RBM25: variants seen among roughly 807,000 people sequenced by gnomAD.
RBM25 encodes the protein RNA binding motif protein 25.
A neutral mutation model predicts 120.7 loss-of-function variants in RBM25; 19 were observed. The ratio of observed to expected loss-of-function variants is 0.16; its 90% CI spans 0.11 to 0.23. The LOEUF (loss-of-function observed/expected upper bound fraction) is 0.23. Among genes scored for constraint, RBM25 ranks in the 10% least tolerant of loss-of-function variants. The pLI is 1.00. For missense variants in RBM25, 605 were observed against 1,041.5 expected (o/e 0.58, Z 5.77); for synonymous variants, 390 against 326.7 (o/e 1.19, Z -2.09).
intron 1 of RBM25, among the ~76,000 whole-genome samples, chr14:73,060,100 C>T (rs959771973): frequency 6.6e-6 from 1 of 151,746 alleles, no homozygotes; most frequent in Non-Finnish European, 1.5e-5. Context: ...AGTGCGGTGG[C>T]GCGATCTTGG....
At chr14:73,081,191 G>A (rs1566587262) in intron 4 of RBM25, among the ~76,000 whole-genome samples, 1 of 150,914 alleles carries the variant, frequency 6.6e-6, no homozygotes. Context: ...CCAGGCTGGA[G>A]TGCAGTGGCA....
intron 13 of RBM25, 46 bp from the exon 14 acceptor site, chr14:73,109,296 A>G: frequency 6.3e-7 from 1 of 1,577,094 alleles, no homozygotes; most frequent in Non-Finnish European, 8.6e-7. Flanking sequence ...TTTACTTCTC[A>G]ATGATCGGAG....
At chr14:73,064,201 TTTTG>T (rs1453870072) in intron 1 of RBM25, among the ~76,000 whole-genome samples, 1 of 151,572 alleles carries the variant, frequency 6.6e-6, no homozygotes, top group African/African-American at 2.4e-5. Flanking sequence ...TTATAATTTA[TTTTG>T]TTTATCATCT....
intron 1 of RBM25, among the ~76,000 whole-genome samples, chr14:73,063,357 G>T (rs1895050272): frequency 6.6e-6 from 1 of 150,992 alleles, no homozygotes; most frequent in African/African-American, 2.4e-5. Context: ...CACTGTGTTA[G>T]CCAGGATGGT....
At chr14:73,077,569 T>C (rs1304862501) in intron 4 of RBM25, 33 bp downstream of exon 4, 4 of 1,504,728 alleles carry the variant, frequency 2.7e-6, no homozygotes, top group Non-Finnish European at 3.6e-6. Flanking sequence ...CATTAAAAAT[T>C]TTTTTATCAT....
At chr14:73,059,269 T>C (rs1240078467) in intron 1 of RBM25, 1 of 152,190 alleles carries the variant, frequency 6.6e-6, no homozygotes, top group East Asian at 1.9e-4. Flanking sequence ...ATTGAGCTAA[T>C]ACCTACCTTT....
chr14:73,067,699 G>T (rs1385247086), intron 1 of RBM25, among the ~76,000 whole-genome samples: 1 of 151,194 alleles, frequency 6.6e-6, no homozygotes, highest in Non-Finnish European at 1.5e-5. Context: ...CGCCTCCCAG[G>T]TTCACGCCAT....
chr14:73,073,297 G>A (rs190995518), intron 2 of RBM25, among the ~76,000 whole-genome samples: 470 of 152,150 alleles, frequency 3.1e-3, no homozygotes, highest in Non-Finnish European at 5.2e-3. Context: ...TCAGCTTTGG[G>A]AACCTTCTAC....
At position 73,077,404 on chromosome 14, in the gene RBM25, T is replaced by A. The variant is rs760633703; in HGVS notation, c.192T>A (p.His64Gln). The stretch of plus-strand genomic sequence containing the variant: ...CCACTGTGTCTATGGTTGGAAAGCA[T>A]TTGGGCGCAAGAAAGGATCATCCAG... ...LVPTVSMVGK[H>Q]LGARKDHPGL... Residue 64 changes from histidine to glutamine, a missense_variant, in exon 4 of 19, where the codon CAT becomes CAA. Physicochemically the swap from His to Gln is conservative, Grantham distance 24. This residue lies in a region of RBM25 where 90 missense variants were observed against 107.3 expected (regional missense o/e 0.84). Transcript: ENST00000261973. 2.5e-6 allele frequency: 4 copies of A among 1,613,746 alleles called. No individual in the cohort carries two copies. Among genetic ancestry groups the A allele is most frequent in the Non-Finnish European group, 2.5e-6 (3 of 1,179,806 alleles).
chr14:73,118,189 G>A (rs754499586), intron 18 of RBM25, among the ~76,000 whole-genome samples: 3 of 152,068 alleles, frequency 2.0e-5, no homozygotes, highest in Non-Finnish European at 2.9e-5. Context: ...AAGATGGTAC[G>A]GTTGGGCTGT....
intron 1 of RBM25, chr14:73,067,983 T>C (rs1353555461): frequency 3.8e-6 from 1 of 263,148 alleles, no homozygotes; most frequent in Non-Finnish European, 7.4e-6. Flanking sequence ...TCAAAGATCT[T>C]GATGGAGCAG....
chr14:73,096,434 C>G (rs1895943353), intron 6 of RBM25, among the ~76,000 whole-genome samples: 1 of 152,148 alleles, frequency 6.6e-6, no homozygotes, highest in Non-Finnish European at 1.5e-5. Flanking sequence ...ACTCCCGATT[C>G]TTGCAGTTTG....
rs1465735596 is a variant in RBM25 at position 73,058,571 on chromosome 14, T to C, written c.-150T>C. ...GCTCGCCGCGCAGCGCGGCTGTATT[T>C]GCGGCCTGTGCGAGTAGGCGCTTGG... is the stretch of plus-strand genomic sequence containing the variant. On this transcript the variant is annotated 5_prime_UTR_variant, in exon 1 of 19. Coordinates refer to ENST00000261973, the MANE Select transcript of RBM25 (RefSeq NM_021239.3). 1 of 152,180 alleles carries C rather than the reference T, an allele frequency of 6.6e-6. No homozygotes were observed. The highest frequency in any genetic ancestry group is 1.5e-5 in the Non-Finnish European group (1 of 68,038). 9.4% of individuals were successfully genotyped at this position (152,180 alleles called of 1,614,324 possible).
chr14:73,070,059 A>C (rs1274110967), intron 1 of RBM25: 3 of 152,030 alleles, frequency 2.0e-5, no homozygotes, highest in African/African-American at 7.2e-5. Context: ...TGAAACAGTT[A>C]AATGTGTTCT....
chr14:73,102,086 G>C (rs1446729227), intron 9 of RBM25: 3 of 152,208 alleles, frequency 2.0e-5, no homozygotes, highest in Non-Finnish European at 4.4e-5. Context: ...TGACAGGTAA[G>C]ATTGCTTTTT....
chr14:73,116,328 G>A (rs982422886), intron 18 of RBM25, among the ~76,000 whole-genome samples: 1 of 152,188 alleles, frequency 6.6e-6, no homozygotes, highest in African/African-American at 2.4e-5. Flanking sequence ...ATATGAAATG[G>A]TAGATGACTG....
chr14:73,116,204 G>GA (rs1288705131), intron 18 of RBM25, among the ~76,000 whole-genome samples: 1 of 152,144 alleles, frequency 6.6e-6, no homozygotes, highest in Non-Finnish European at 1.5e-5. Context: ...CTGTTAAGAG[G>GA]AAAAACCTAA....
At chr14:73,091,877 CAAAAA>C (rs201711931) in intron 6 of RBM25, among the ~76,000 whole-genome samples, 1 of 147,092 alleles carries the variant, frequency 6.8e-6, no homozygotes, top group Non-Finnish European at 1.5e-5. Flanking sequence ...GACTCTGTCT[CAAAAA>C]AAAAGCGAAG....
rs1360635280 is a variant in RBM25, at chr14:73,121,503, A to T, written c.*1698A>T. 6.6e-6 allele frequency: 1 copy of T among 152,474 alleles called. No individual in the cohort carries two copies. Among genetic ancestry groups the T allele is most frequent in the Non-Finnish European group, 1.5e-5 (1 of 68,016 alleles). The allele number at this position is 152,474 out of a possible 1,614,324, so 9.4% of individuals were successfully genotyped here. ...GATGAATCTACTATACATCTATGGA[A>T]ATGTCTCTTTTATTTTAAATTCTGG... On this transcript the variant is annotated 3_prime_UTR_variant, in exon 19 of 19. Coordinates refer to ENST00000261973, the MANE Select transcript of RBM25 (RefSeq NM_021239.3).
Sources: allele counts gnomAD v4.1 joint callset (sites outside exome capture counted in the v4.1 genomes callset), GRCh38; gene constraint gnomAD v4.1.1; regional missense constraint gnomAD v4.1.1; transcripts MANE v1.5; gene names NCBI Gene and HGNC (gene_info 2026-07-23, HGNC 2026-07-21).